ZNF566: variants seen among roughly 807,000 people sequenced by gnomAD.
ZNF566 encodes zinc finger protein 566.
In ZNF566, 27 loss-of-function variants were observed where a neutral mutation model predicts 32.8. That is an observed-to-expected ratio of 0.82 (90% CI 0.61 to 1.14). The LOEUF is 1.14. Among genes scored for constraint, ZNF566 ranks in the 50% most tolerant of loss-of-function variants. The pLI is 0.00. For missense variants in ZNF566, 402 were observed against 490.4 expected, an observed-to-expected ratio of 0.82 and a Z score of 1.70; for synonymous variants, 154 against 159.5, an observed-to-expected ratio of 0.97 and a Z score of 0.26.
intron 1 of ZNF566, among the ~76,000 whole-genome samples, chr19:36,477,802 C>T (rs1427018478): frequency 6.6e-6 from 1 of 151,932 alleles, no homozygotes; most frequent in African/African-American, 2.4e-5. Flanking sequence ...GCGTGAGACA[C>T]CACACCCAGC....
chr19:36,484,547 G>A (rs1209258306), intron 1 of ZNF566, among the ~76,000 whole-genome samples: 10 of 150,900 alleles, frequency 6.6e-5, no homozygotes, highest in Non-Finnish European at 1.5e-4. Context: ...AAACTAATGC[G>A]TGAGAAAACA....
rs1040293854 is a variant in ZNF566 at position 36,456,789 on chromosome 19, GAATT to G, written c.233-6792_233-6789del. ...GATATTCTGCATTCATAAATGGGAA[GAATT>G]AATATTGTTAAAATGTCCATACTAC... On this transcript the variant is annotated intron_variant, in intron 4 of 4. Coordinates refer to ENST00000452939, the MANE Select transcript of ZNF566 (RefSeq NM_001145344.1). Among the ~76,000 whole-genome samples the G allele has an allele frequency of 1.3e-5, 2 of 152,014 alleles. 1 individual carries two copies. The highest frequency in any genetic ancestry group is 2.9e-5 in the Non-Finnish European group (2 of 68,008).
rs2033005613 is a variant in ZNF566 at position 36,446,798 on chromosome 19, T to A, written c.*2179A>T. The A allele has an allele frequency of 6.6e-6, 1 of 152,198 alleles. No individual in the cohort carries two copies. Among genetic ancestry groups the A allele is most frequent in the Non-Finnish European group, 1.5e-5 (1 of 68,046 alleles). 9.4% of individuals were successfully genotyped at this position (152,198 alleles called of 1,614,324 possible). A position where few individuals can be genotyped will look rare whatever the true frequency, so the allele number is the denominator to read the frequency against. On this transcript the variant is annotated 3_prime_UTR_variant, in exon 5 of 5. Coordinates refer to ENST00000452939, the MANE Select transcript of ZNF566 (RefSeq NM_001145344.1). ...TATTATGAAATATTTTACTTCCTTATGCCAGTAAAGTAAAGTAACACAATG... is the reference window on the plus strand; with the variant it reads ...TATTATGAAATATTTTACTTCCTTAAGCCAGTAAAGTAAAGTAACACAATG...
At chr19:36,451,732 G>T (rs1018459256) in intron 4 of ZNF566, among the ~76,000 whole-genome samples, 1 of 152,196 alleles carries the variant, frequency 6.6e-6, no homozygotes. Context: ...TTTCTGCCAG[G>T]CACAGTGGCT....
chr19:36,459,378 C>T (rs1403437584), intron 4 of ZNF566, among the ~76,000 whole-genome samples: 2 of 152,070 alleles, frequency 1.3e-5, no homozygotes, highest in Non-Finnish European at 2.9e-5. Context: ...CCATGCCTGG[C>T]TAATTTTTGT....
At chr19:36,486,228 T>C (rs915034328) in intron 1 of ZNF566, among the ~76,000 whole-genome samples, 4 of 152,216 alleles carry the variant, frequency 2.6e-5, no homozygotes, top group Non-Finnish European at 5.9e-5. Context: ...GATTGGATCC[T>C]GAAACAGTAA....
At chr19:36,461,196 C>G (rs571794372) in intron 4 of ZNF566, among the ~76,000 whole-genome samples, 17 of 152,246 alleles carry the variant, frequency 1.1e-4, no homozygotes, top group Non-Finnish European at 2.4e-4. Flanking sequence ...AACTAGAAAT[C>G]CAGATTTCTA....
Position 36,451,790 on chromosome 19 carries a change from G to A in ZNF566, c.233-1789C>T, listed in dbSNP as rs987684239. 1.4e-4 allele frequency among the ~76,000 whole-genome samples: 22 copies of A among 152,188 alleles called. No individual in the cohort carries two copies. The South Asian group carries it at 1.9e-3, about 13-fold the overall frequency. Reference sequence around the variant, plus strand: ...TGCGGGGCCGAGGCGGGCCGATCACGAGGTCAGGAGTTTGAGACCAGCCTG... The same window carrying A: ...TGCGGGGCCGAGGCGGGCCGATCACAAGGTCAGGAGTTTGAGACCAGCCTG... On this transcript the variant is annotated intron_variant, in intron 4 of 4. Transcript: ENST00000452939.
chr19:36,459,388 TA>T (rs1378556129), intron 4 of ZNF566, among the ~76,000 whole-genome samples: 1 of 151,924 alleles, frequency 6.6e-6, no homozygotes, highest in East Asian at 1.9e-4. Context: ...CTAATTTTTG[TA>T]TTTTTAGTAG....
At position 36,449,953 on chromosome 19, in the gene ZNF566, A is replaced by G. The variant is rs150149081; in HGVS notation, c.281T>C (p.Ile94Thr). The G allele has an allele frequency of 9.3e-6, 15 of 1,611,156 alleles. No homozygotes were observed. Among genetic ancestry groups the G allele is most frequent in the Non-Finnish European group, 9.3e-6 (11 of 1,179,310 alleles). Residue 94 changes from isoleucine (I) to threonine (T), a missense_variant, in exon 5 of 5, where the codon ATT becomes ACT. Ile to Thr is a moderately conservative substitution (Grantham distance 89, BLOSUM62 -1). Coordinates refer to ENST00000452939, the MANE Select transcript of ZNF566 (RefSeq NM_001145344.1). ...CCACTGGGTTGATTCTATTTCATAA[A>G]TTTCTTTCTTCAGAAATAATTTCTT... ...ETKKLFLKKE[I>T]YEIESTQWEI...
At chr19:36,470,709 G>A (rs1470408461) in intron 4 of ZNF566, among the ~76,000 whole-genome samples, 1 of 152,146 alleles carries the variant, frequency 6.6e-6, no homozygotes, top group Non-Finnish European at 1.5e-5. Flanking sequence ...TCAGGATTTC[G>A]AGACCAGCCT....
intron 4 of ZNF566, among the ~76,000 whole-genome samples, chr19:36,455,071 A>G (rs1262025856): frequency 2.6e-5 from 4 of 152,222 alleles, no homozygotes; most frequent in Non-Finnish European, 4.4e-5. Context: ...ATGTTTCAAT[A>G]TAAGCAAAGC....
At chr19:36,481,379 G>A (rs1272277785) in intron 1 of ZNF566, among the ~76,000 whole-genome samples, 4 of 150,844 alleles carry the variant, frequency 2.7e-5, no homozygotes, top group Admixed American at 6.6e-5. Flanking sequence ...GCTGAGGCAG[G>A]AGAATCACTT....
chr19:36,452,074 T>C (rs2033172068), intron 4 of ZNF566, among the ~76,000 whole-genome samples: 1 of 151,014 alleles, frequency 6.6e-6, no homozygotes. Flanking sequence ...GCCCGACCCC[T>C]TGACTCGTTA....
intron 3 of ZNF566, 151 bp from the exon 4 acceptor site, chr19:36,473,157 C>A: frequency 2.8e-6 from 3 of 1,057,720 alleles, no homozygotes; most frequent in East Asian, 2.4e-5. Flanking sequence ...AGATGTAAAA[C>A]ATCCCCAAAA....
In ZNF566 at chr19:36,480,565, G is replaced by T. The variant is rs557132873; in HGVS notation, c.-59-3949C>A. On this transcript the variant is annotated intron_variant, in intron 1 of 4. Transcript: ENST00000452939. The stretch of plus-strand genomic sequence containing the variant: ...CTCCCAAAGTGCTGGGATTACAGGC[G>T]TGAGCCACCTTGCCCAGCCTCCATG... 4.3e-5 allele frequency among the ~76,000 whole-genome samples: 6 copies of T among 140,908 alleles called. No homozygotes were observed. In the South Asian group the frequency reaches 1.4e-3, roughly 32 times the overall value. 92.4% of individuals were successfully genotyped at this position (140,908 alleles called of 152,430 possible).
intron 1 of ZNF566, among the ~76,000 whole-genome samples, chr19:36,481,478 A>AC (rs1206031619): frequency 7.8e-6 from 1 of 128,446 alleles, no homozygotes; most frequent in African/African-American, 2.8e-5. Context: ...CTCGGGAAAA[A>AC]AAAAAAAAAA....
intron 1 of ZNF566, among the ~76,000 whole-genome samples, chr19:36,485,432 G>C (rs1056068453): frequency 1.5e-5 from 2 of 136,842 alleles, no homozygotes; most frequent in Non-Finnish European, 3.1e-5. Context: ...GGATGACGGA[G>C]CAAGACCTTG....
chr19:36,472,046 G>A (rs1189710011), intron 4 of ZNF566, among the ~76,000 whole-genome samples: 3 of 152,058 alleles, frequency 2.0e-5, no homozygotes, highest in African/African-American at 2.4e-5. Flanking sequence ...ACCCAATCAC[G>A]CATGTTCTAT....
Sources: allele counts gnomAD v4.1 joint callset (sites outside exome capture counted in the v4.1 genomes callset), GRCh38; gene constraint gnomAD v4.1.1; transcripts MANE v1.5; gene names NCBI Gene and HGNC (gene_info 2026-07-23, HGNC 2026-07-21).